The following MIDEAS variants were observed in gnomAD, a reference collection of about 807,000 sequenced individuals.
The protein encoded by MIDEAS is mitotic deacetylase associated SANT domain protein.
A neutral mutation model predicts 102.7 loss-of-function variants in MIDEAS; 26 were observed. The observed-to-expected ratio is 0.25, with a 90% CI of 0.19 to 0.35. The LOEUF is 0.35. Ranked by LOEUF, MIDEAS falls within the 10% of genes least tolerant of loss-of-function variation. The pLI is 1.00. For missense variants in MIDEAS, 1,231 were observed against 1,435.6 expected (o/e 0.86, Z 2.30); for synonymous variants, 585 against 591.0 (o/e 0.99, Z 0.15).
intron 1 of MIDEAS, among the ~76,000 whole-genome samples, chr14:73,749,899 G>A (rs1371248620): frequency 5.3e-5 from 8 of 152,144 alleles, no homozygotes; most frequent in Non-Finnish European, 1.2e-4. Flanking sequence ...CAAAGGCCTG[G>A]GTATCCCCTC....
chr14:73,730,309 G>C, intron 3 of MIDEAS: 2 of 429,392 alleles, frequency 4.7e-6, no homozygotes, highest in Non-Finnish European at 4.4e-6. Flanking sequence ...CTTAGCTCTG[G>C]ATCTGGCCCC....
At chr14:73,783,138 GAACA>G (rs2053771309) in intron 1 of MIDEAS, among the ~76,000 whole-genome samples, 1 of 152,192 alleles carries the variant, frequency 6.6e-6, no homozygotes, top group African/African-American at 2.4e-5. Flanking sequence ...TTAATTTGCT[GAACA>G]GGGGATATGA....
intron 9 of MIDEAS, chr14:73,724,292 G>A (rs2053033095): frequency 6.6e-6 from 1 of 152,230 alleles, no homozygotes; most frequent in Admixed American, 6.5e-5. Flanking sequence ...GAGAGGCCAG[G>A]GGTCAGTGTG....
chr14:73,756,295 T>TGTGTGTGTGTGTGTGTGTGTGTGTGC (rs55692592), intron 1 of MIDEAS, among the ~76,000 whole-genome samples: 1 of 127,626 alleles, frequency 7.8e-6, no homozygotes. Flanking sequence ...TGTGTGTGTG[T>TGTGTGTGTGTGTGTGTGTGTGTGTGC]GCGCGCGCGC....
chr14:73,773,004 A>G (rs770059136), intron 1 of MIDEAS, among the ~76,000 whole-genome samples: 3 of 151,830 alleles, frequency 2.0e-5, no homozygotes, highest in Admixed American at 1.3e-4. Context: ...ACACCCAGCT[A>G]ATTTTGTAAT....
At position 73,779,745 on chromosome 14, in the gene MIDEAS, T is replaced by G. The variant is rs573512121; in HGVS notation, c.-248+7357A>C. Among the ~76,000 whole-genome samples the G allele has an allele frequency of 5.5e-3, 767 of 140,524 alleles. 12 individuals carry two copies. The highest frequency in any genetic ancestry group is 0.019 in the African/African-American group (726 of 38,148). 92.2% of individuals were successfully genotyped at this position (140,524 alleles called of 152,430 possible). On this transcript the variant is annotated intron_variant, in intron 1 of 11. Transcript: ENST00000394071. ...GGCGCCCGCCACCGCGCCCGGCTAA[T>G]TTTTTGTATTTTTAGTAGAGACGGG...
intron 1 of MIDEAS, among the ~76,000 whole-genome samples, chr14:73,782,707 A>G (rs1419703678): frequency 6.6e-6 from 1 of 152,222 alleles, no homozygotes; most frequent in Non-Finnish European, 1.5e-5. Flanking sequence ...GGCCAACCCA[A>G]GTAACAAACT....
rs773414879 is a variant in MIDEAS at position 73,725,375 on chromosome 14, G to A, written c.2486-15C>T. ...CTGGTCAGAGCCTATGGGGCAAAGA[G>A]GCAGCCAGGGAGTGAGGTGGGCAGG... On this transcript the variant is annotated splice_polypyrimidine_tract_variant and intron_variant, in intron 8 of 12. Transcript: ENST00000423556. This position sits in a 1 kb window ranked among gnomAD's most constrained non-coding sequence, Gnocchi z 4.1. 8 of 1,612,506 alleles carry A rather than the reference G, an allele frequency of 5.0e-6. No individual in the cohort carries two copies. In the Admixed American group the frequency reaches 1.2e-4, roughly 24 times the overall value.
rs2052951487 is a variant in MIDEAS at position 73,719,406 on chromosome 14, C to G, written c.3033G>C (p.Lys1011Asn). The G allele has an allele frequency of 3.7e-6, 6 of 1,614,136 alleles. No individual in the cohort carries two copies. Among genetic ancestry groups the G allele is most frequent in the Non-Finnish European group, 4.2e-6 (5 of 1,180,030 alleles). Reference protein sequence around the residue: ...ASEKPREGTGKSRRALPFSEK... With the variant: ...ASEKPREGTGNSRRALPFSEK... Reference sequence around the variant, plus strand: ...CTGAAAAAGGTAGTGCCCTTCGTGACTTCCCTGTCCCTTCCCTTGGCTTCT... The same window carrying G: ...CTGAAAAAGGTAGTGCCCTTCGTGAGTTCCCTGTCCCTTCCCTTGGCTTCT... Residue 1011 changes from lysine to asparagine, a missense_variant, in exon 12 of 13, where the codon AAG becomes AAC. Lys to Asn is a moderately conservative substitution (Grantham distance 94). Around this residue, in one of 5 missense-constraint regions of MIDEAS, gnomAD observed 391 missense variants for 483.0 expected, o/e 0.81. Coordinates refer to ENST00000423556, the MANE Select transcript of MIDEAS (RefSeq NM_001367710.1).
chr14:73,751,527 G>C (rs112300891), intron 1 of MIDEAS, among the ~76,000 whole-genome samples: 240 of 152,232 alleles, frequency 1.6e-3, no homozygotes, highest in African/African-American at 5.3e-3. Flanking sequence ...TGGAGGGCTC[G>C]GCATCTTTGC....
intron 1 of MIDEAS, among the ~76,000 whole-genome samples, chr14:73,786,941 C>T (rs1166346160): frequency 6.6e-6 from 1 of 151,850 alleles, no homozygotes; most frequent in African/African-American, 2.4e-5. Flanking sequence ...GCCCCGACCC[C>T]GGCCGCCGAG....
chr14:73,767,852 A>G (rs10145862), intron 1 of MIDEAS, among the ~76,000 whole-genome samples: 38,239 of 151,950 alleles, frequency 0.25, 5,091 homozygotes, highest in African/African-American at 0.27. Flanking sequence ...CACATCTGTG[A>G]GGCAGCTACT....
chr14:73,736,406 C>T (rs1033998062), intron 3 of MIDEAS, among the ~76,000 whole-genome samples: 8 of 151,834 alleles, frequency 5.3e-5, no homozygotes, highest in African/African-American at 1.4e-4. Context: ...CTGAGGTGGG[C>T]GGATCACGAG....
chr14:73,785,742 G>A (rs2140184345), intron 1 of MIDEAS, among the ~76,000 whole-genome samples: 1 of 152,052 alleles, frequency 6.6e-6, no homozygotes, highest in East Asian at 1.9e-4. Context: ...TTTCTCCGGA[G>A]ACAAATAAGG....
chr14:73,717,556 C>CGAT lies in MIDEAS; in HGVS notation c.*1286_*1287insATC, dbSNP rs1343482887. On this transcript the variant is annotated 3_prime_UTR_variant, in exon 13 of 13. Transcript: ENST00000423556. ...TCCCACGCTCTTTCAGTGTTGCTAT[C>CGAT]ATTCCTATCAGCAAGAGCTTCCAGA... 6.6e-6 allele frequency: 1 copy of CGAT among 152,622 alleles called. No homozygotes were observed. Among genetic ancestry groups the CGAT allele is most frequent in the Non-Finnish European group, 1.5e-5 (1 of 68,046 alleles). 9.5% of individuals were successfully genotyped at this position (152,622 alleles called of 1,614,324 possible).
intron 1 of MIDEAS, among the ~76,000 whole-genome samples, chr14:73,773,161 T>G (rs955952948): frequency 1.3e-5 from 2 of 150,084 alleles, no homozygotes; most frequent in Non-Finnish European, 3.0e-5. Flanking sequence ...TAATGTATAT[T>G]TGTTCTTTGT....
At chr14:73,774,327 T>C (rs1211650756) in intron 1 of MIDEAS, among the ~76,000 whole-genome samples, 2 of 152,036 alleles carry the variant, frequency 1.3e-5, no homozygotes, top group Admixed American at 6.5e-5. Context: ...GTCAGGAGGA[T>C]GCATTCTTCC....
chr14:73,755,954 C>T (rs1258591909), intron 1 of MIDEAS, among the ~76,000 whole-genome samples: 2 of 152,134 alleles, frequency 1.3e-5, no homozygotes, highest in African/African-American at 4.8e-5. Context: ...TCTTCACAGC[C>T]TATGAAGTAC....
chr14:73,743,044 C>T (rs1028639005), intron 1 of MIDEAS, among the ~76,000 whole-genome samples: 6 of 152,070 alleles, frequency 3.9e-5, no homozygotes, highest in South Asian at 4.1e-4. Context: ...AAGTTGCCTA[C>T]GGTCACACAG....
Sources: allele counts gnomAD v4.1 joint callset (sites outside exome capture counted in the v4.1 genomes callset), GRCh38; gene constraint gnomAD v4.1.1; regional missense constraint gnomAD v4.1.1; non-coding constraint Gnocchi (gnomAD v3.1); transcripts MANE v1.5; gene names NCBI Gene and HGNC (gene_info 2026-07-23, HGNC 2026-07-21).